The following VPS8 variants were observed in gnomAD, a reference collection of about 807,000 sequenced individuals.
VPS8 encodes VPS8 subunit of CORVET complex.
VPS8 carries 129 observed loss-of-function variants against 216.4 expected under a neutral mutation model. The observed-to-expected ratio is 0.60, with a 90% CI of 0.52 to 0.69. The LOEUF is 0.69. Among genes scored for constraint, VPS8 ranks in the 30% least tolerant of loss-of-function variants. The pLI, the probability that VPS8 is intolerant of heterozygous loss-of-function variation, is 0.00. For missense variants in VPS8, 1,531 were observed against 1,683.5 expected (o/e 0.91, Z 1.59); for synonymous variants, 571 against 565.4 (o/e 1.01, Z -0.14).
intron 21 of VPS8, among the ~76,000 whole-genome samples, chr3:184,880,247 A>T (rs1237824728): frequency 6.6e-6 from 1 of 152,144 alleles, no homozygotes; most frequent in Non-Finnish European, 1.5e-5. Context: ...TAAGGTAAAG[A>T]TACAGAACAT....
At chr3:184,848,902 C>A in intron 8 of VPS8, 169 bp from the exon 9 acceptor site, 3 of 609,708 alleles carry the variant, frequency 4.9e-6, no homozygotes, top group Non-Finnish European at 8.0e-6. Flanking sequence ...TCTAATTCAA[C>A]GCCCAGCATC....
At chr3:184,996,537 A>G (rs772420256) in intron 44 of VPS8, 36 bp downstream of exon 44, 2 of 1,555,014 alleles carry the variant, frequency 1.3e-6, no homozygotes, top group South Asian at 2.4e-5. Context: ...TGTATGGTAC[A>G]TGTACATCTG....
rs745454615 is a variant in VPS8, at chr3:184,915,369, A to G, written c.2277A>G (p.Leu759=). 8.1e-6 allele frequency: 13 copies of G among 1,611,836 alleles called. No individual in the cohort carries two copies. The African/African-American group carries it at 1.5e-4, about 18-fold the overall frequency. Residue 759 remains leucine, a synonymous_variant, in exon 28 of 48, where the codon CTA becomes CTG. Coordinates refer to ENST00000625842, the MANE Select transcript of VPS8 (RefSeq NM_001009921.3). ...PLVKNQVFEF[L]IRLHSAEASP... ...CCAACTTGCAGGTTTTTGAATTTCT[A>G]ATTCGCCTGCATTCAGCAGAGGCTT...
At position 185,052,305 on chromosome 3, in the gene VPS8, T is replaced by TA; in HGVS notation, c.*281dup. 2 of 308,700 alleles carry TA rather than the reference T, an allele frequency of 6.5e-6. No homozygotes were observed. The highest frequency in any genetic ancestry group is 1.2e-5 in the Non-Finnish European group (2 of 168,982). The allele number at this position is 308,700 out of a possible 1,614,324, so 19.1% of individuals were successfully genotyped here. On this transcript the variant is annotated 3_prime_UTR_variant, in exon 48 of 48. Coordinates refer to ENST00000625842, the MANE Select transcript of VPS8 (RefSeq NM_001009921.3). ...TACCTCTGTCCAGCTTTTTAGGAAA[T>TA]ACATTTCGCCTATTGCGACTTTTTC...
intron 10 of VPS8, among the ~76,000 whole-genome samples, chr3:184,850,944 CATTATGGCAAAGT>C (rs1197847151): frequency 3.3e-5 from 5 of 152,228 alleles, no homozygotes; most frequent in Non-Finnish European, 7.3e-5. Flanking sequence ...TCTTTCAGAG[CATTATGGCAAAGT>C]ATCTTGACCT....
chr3:184,942,917 G>A (rs917307921), intron 36 of VPS8, among the ~76,000 whole-genome samples: 5 of 152,122 alleles, frequency 3.3e-5, no homozygotes, highest in African/African-American at 1.2e-4. Flanking sequence ...GGTTAAGAAG[G>A]TTGAGTGCCG....
At chr3:184,987,867 G>T (rs1751353400) in intron 42 of VPS8, among the ~76,000 whole-genome samples, 1 of 152,196 alleles carries the variant, frequency 6.6e-6, no homozygotes, top group South Asian at 2.1e-4. Flanking sequence ...GAAAGTTCCT[G>T]TTGCTCCATA....
At chr3:184,872,054 G>A (rs969789697) in intron 21 of VPS8, among the ~76,000 whole-genome samples, 1 of 152,136 alleles carries the variant, frequency 6.6e-6, no homozygotes, top group African/African-American at 2.4e-5. Context: ...AACTTAGGAA[G>A]AAGACATATG....
At position 184,957,533 on chromosome 3, in the gene VPS8, A is replaced by G. The variant is rs762450827; in HGVS notation, c.3183+12A>G. 1 of 1,602,198 alleles carries G rather than the reference A, an allele frequency of 6.2e-7. No individual in the cohort carries two copies. Among genetic ancestry groups the G allele is most frequent in the Non-Finnish European group, 8.5e-7 (1 of 1,174,936 alleles). The stretch of plus-strand genomic sequence containing the variant: ...AAGAAACTATTCAGGTGAGACGAAC[A>G]ATGTAAAAGAGACAAGAGTAAACTC... On this transcript the variant is annotated intron_variant, in intron 37 of 47. Transcript: ENST00000625842.
intron 46 of VPS8, among the ~76,000 whole-genome samples, chr3:185,035,163 G>A (rs1037629965): frequency 5.1e-4 from 77 of 152,072 alleles, no homozygotes; most frequent in African/African-American, 1.7e-3. Context: ...AAATTCTATC[G>A]AATTATACTT....
chr3:184,985,669 G>A (rs1265448189), intron 42 of VPS8, among the ~76,000 whole-genome samples: 3 of 152,184 alleles, frequency 2.0e-5, no homozygotes, highest in East Asian at 1.9e-4. Context: ...TGAGCAAATG[G>A]CCTAAACAAG....
chr3:185,019,571 A>G (rs189264722), intron 45 of VPS8, among the ~76,000 whole-genome samples: 2 of 152,370 alleles, frequency 1.3e-5, no homozygotes, highest in Admixed American at 1.3e-4. Context: ...GTTATCTGCA[A>G]CAGGAACATG....
Position 184,826,171 on chromosome 3 carries a change from C to G in VPS8, c.162C>G (p.Asp54Glu), listed in dbSNP as rs199778508. 4.4e-6 allele frequency: 7 copies of G among 1,606,976 alleles called. No homozygotes were observed. The highest frequency in any genetic ancestry group is 5.9e-6 in the Non-Finnish European group (7 of 1,176,632). Residue 54 changes from aspartate to glutamate, a missense_variant, in exon 3 of 48, where the codon GAC (aspartate) becomes GAG (glutamate). Asp to Glu is a conservative substitution (Grantham distance 45). Transcript: ENST00000625842. Reference protein sequence around the residue: ...ELEFKNDLIDDKEFDIPQVDT... With the variant: ...ELEFKNDLIDEKEFDIPQVDT... ...TTTTTTTCTTTATTTAGATTGATGA[C>G]AAGGAGTTTGATATTCCTCAAGTTG... is the stretch of plus-strand genomic sequence containing the variant.
At chr3:184,857,036 T>G (rs182719133) in intron 14 of VPS8, among the ~76,000 whole-genome samples, 131 of 152,346 alleles carry the variant, frequency 8.6e-4, no homozygotes, top group African/African-American at 3.0e-3. Context: ...TCAGCACTTT[T>G]AAAATTACTT....
At chr3:184,896,692 T>C (rs1244658802) in intron 23 of VPS8, among the ~76,000 whole-genome samples, 1 of 152,232 alleles carries the variant, frequency 6.6e-6, no homozygotes, top group Non-Finnish European at 1.5e-5. Flanking sequence ...CTGAGGATGC[T>C]TCAGTATCCC....
rs902117284 is a variant in VPS8, at chr3:184,915,191, A to C, written c.2262+138A>C. 2.1e-5 allele frequency: 28 copies of C among 1,326,282 alleles called. No homozygotes were observed. In the African/African-American group the frequency reaches 4.0e-4, roughly 19 times the overall value. The allele number at this position is 1,326,282 out of a possible 1,614,324, so 82.2% of individuals were successfully genotyped here. ...GAGAGAGCTTACACACTATTACTAAAGTCAATAATTAGAGCTGAGAAAGAA... is the reference window on the plus strand; with the variant it reads ...GAGAGAGCTTACACACTATTACTAACGTCAATAATTAGAGCTGAGAAAGAA... On this transcript the variant is annotated intron_variant, in intron 27 of 47. Transcript: ENST00000625842.
rs751691675 is a variant in VPS8, at chr3:184,855,684, A to AT, written c.1036-17dup. ...GTCCCCTTGTTTATTAACTGTGATGATTTTTTTTTTCCATCTCCCTACTTA... is the reference window on the plus strand; with the variant it reads ...GTCCCCTTGTTTATTAACTGTGATGATTTTTTTTTTTCCATCTCCCTACTTA... On this transcript the variant is annotated intron_variant, in intron 13 of 47. Transcript: ENST00000625842. 2.4e-3 allele frequency: 3,431 copies of AT among 1,434,890 alleles called. 1 individual carries two copies. Among genetic ancestry groups the AT allele is most frequent in the Non-Finnish European group, 2.7e-3 (2,832 of 1,036,324 alleles). 88.9% of individuals were successfully genotyped at this position (1,434,890 alleles called of 1,614,324 possible).
intron 18 of VPS8, 90 bp downstream of exon 18, chr3:184,868,149 G>T: frequency 7.3e-7 from 1 of 1,367,126 alleles, no homozygotes. Context: ...AGATTATTTG[G>T]TAAGCTTCTT....
chr3:184,976,381 G>C (rs1337522932), intron 40 of VPS8, among the ~76,000 whole-genome samples: 1 of 151,326 alleles, frequency 6.6e-6, no homozygotes, highest in African/African-American at 2.4e-5. Flanking sequence ...CCTGTATTTG[G>C]ACTTTTTTTT....
Sources: allele counts gnomAD v4.1 joint callset (sites outside exome capture counted in the v4.1 genomes callset), GRCh38; gene constraint gnomAD v4.1.1; transcripts MANE v1.5; gene names NCBI Gene and HGNC (gene_info 2026-07-23, HGNC 2026-07-21).